UTRN: variants seen among roughly 807,000 people sequenced by gnomAD.
The protein encoded by UTRN is dystrophin-related protein 1.
A neutral mutation model predicts 463.9 loss-of-function variants in UTRN; 283 were observed. That is an observed-to-expected ratio of 0.61 (90% confidence interval 0.55 to 0.67). UTRN has a LOEUF of 0.67. UTRN is among the 30% of genes least tolerant of loss of function. The pLI, the probability that UTRN is intolerant of heterozygous loss-of-function variation, is 0.00. For synonymous variants in UTRN, 1,442 were observed against 1,431.5 expected, an observed-to-expected ratio of 1.01 and a Z score of -0.17; for missense variants, 3,922 against 4,084.3, an observed-to-expected ratio of 0.96 and a Z score of 1.08.
chr6:144,720,253 C>A (rs1300743348), intron 53 of UTRN, among the ~76,000 whole-genome samples: 1 of 152,242 alleles, frequency 6.6e-6, no homozygotes, highest in East Asian at 1.9e-4. Flanking sequence ...CCAATCACTT[C>A]TTTATACCGT....
At chr6:144,808,744 T>A (rs1229229953) in intron 65 of UTRN, among the ~76,000 whole-genome samples, 1 of 152,024 alleles carries the variant, frequency 6.6e-6, no homozygotes, top group Non-Finnish European at 1.5e-5. Flanking sequence ...TTTTTAAAGG[T>A]CCCACATATA....
At chr6:144,316,347 A>G (rs550936983) in intron 2 of UTRN, among the ~76,000 whole-genome samples, 1 of 152,316 alleles carries the variant, frequency 6.6e-6, no homozygotes, top group South Asian at 2.1e-4. Flanking sequence ...TTGAGTTGAA[A>G]ATGCTGTCAT....
intron 52 of UTRN, among the ~76,000 whole-genome samples, chr6:144,680,928 C>T (rs1164422847): frequency 6.6e-6 from 1 of 152,194 alleles, no homozygotes; most frequent in African/African-American, 2.4e-5. Flanking sequence ...GTGTAAGAGA[C>T]AAGTCATGCA....
At chr6:144,518,473 A>G (rs1254683659) in intron 39 of UTRN, among the ~76,000 whole-genome samples, 1 of 152,188 alleles carries the variant, frequency 6.6e-6, no homozygotes, top group African/African-American at 2.4e-5. Context: ...GTGCCTTAGC[A>G]CATCTGGGAA....
At chr6:144,293,070 A>T (rs1804389204) in intron 2 of UTRN, among the ~76,000 whole-genome samples, 1 of 152,146 alleles carries the variant, frequency 6.6e-6, no homozygotes, top group Non-Finnish European at 1.5e-5. Flanking sequence ...TGCTTTGAGG[A>T]TGTTCTCTTC....
At chr6:144,750,192 C>T (rs1791228215) in intron 55 of UTRN, among the ~76,000 whole-genome samples, 1 of 136,092 alleles carries the variant, frequency 7.3e-6, no homozygotes, top group Admixed American at 7.6e-5. Flanking sequence ...CTTCCCTGTG[C>T]TTCTATATTA....
chr6:144,709,979 A>T (rs1443710784), intron 53 of UTRN, among the ~76,000 whole-genome samples: 1 of 152,188 alleles, frequency 6.6e-6, no homozygotes, highest in African/African-American at 2.4e-5. Context: ...TATCCACACT[A>T]TTCACCAAAT....
intron 32 of UTRN, 86 bp from the exon 33 acceptor site, chr6:144,493,215 C>A: frequency 7.5e-7 from 1 of 1,331,754 alleles, no homozygotes; most frequent in Non-Finnish European, 1.0e-6. Context: ...GGCTGTCAAT[C>A]TGTGTAAGCT....
intron 3 of UTRN, among the ~76,000 whole-genome samples, chr6:144,416,665 C>A (rs951337169): frequency 6.6e-6 from 1 of 152,188 alleles, no homozygotes; most frequent in Non-Finnish European, 1.5e-5. Flanking sequence ...CCAAAGCTGG[C>A]CACGCCAGGG....
chr6:144,371,825 G>C (rs1562308000), intron 2 of UTRN, among the ~76,000 whole-genome samples: 2 of 152,212 alleles, frequency 1.3e-5, no homozygotes, highest in Non-Finnish European at 2.9e-5. Flanking sequence ...ATCTCAGAGA[G>C]TGGGTGCGTA....
Position 144,440,373 on chromosome 6 carries a change from G to A in UTRN, c.1414G>A (p.Ala472Thr). The A allele has an allele frequency of 6.2e-7, 1 of 1,614,102 alleles. No individual in the cohort carries two copies. The highest frequency in any genetic ancestry group is 8.5e-7 in the Non-Finnish European group (1 of 1,180,014). Residue 472 changes from alanine to threonine, a missense_variant, in exon 13 of 75, where the codon GCT (alanine) becomes ACT (threonine). Ala to Thr is a moderately conservative substitution (Grantham distance 58). Transcript: ENST00000367545. The stretch of plus-strand genomic sequence containing the variant: ...CTAGAGTTTGCAAAGTGATCTTGAG[G>A]CTGAACAGGTGAAAGTAAATTCACT... ...EHKSLQSDLE[A>T]EQVKVNSLTH... is the part of the protein sequence containing the mutation.
chr6:144,498,029 A>G (rs1266489435), intron 33 of UTRN, among the ~76,000 whole-genome samples: 5 of 152,258 alleles, frequency 3.3e-5, no homozygotes, highest in Non-Finnish European at 7.3e-5. Flanking sequence ...ACAGTTGAGT[A>G]CTAGGTCTGG....
rs748973665 is a variant in UTRN at position 144,827,385 on chromosome 6, G to C, written c.9532G>C (p.Asp3178His). 3.1e-6 allele frequency: 5 copies of C among 1,613,452 alleles called. No homozygotes were observed. The South Asian group carries it at 5.5e-5, about 18-fold the overall frequency. ...CATCAGTATGTGGCCAGAGCACTAT[G>C]AGTGAGTATTCATAGCCCACGTGCA... ...TLISMWPEHY[D>H]PSQSPQLFHD... The change falls in exon 67 of 75, where the codon GAC becomes CAC. Residue 3178 changes from aspartate to histidine, a missense_variant and splice_region_variant. Physicochemically the swap from Asp to His is moderately conservative, Grantham distance 81. Around this residue, in one of 3 missense-constraint regions of UTRN, gnomAD observed 1,309 missense variants for 1,452.6 expected, o/e 0.90. Transcript: ENST00000367545.
At chr6:144,482,162 G>A (rs1791952178) in intron 26 of UTRN, 47 bp from the exon 27 acceptor site, 1 of 1,361,540 alleles carries the variant, frequency 7.3e-7, no homozygotes, top group Non-Finnish European at 9.6e-7. Flanking sequence ...ATTGGTTACT[G>A]AGAAAGGGAG....
intron 7 of UTRN, among the ~76,000 whole-genome samples, chr6:144,427,643 T>G (rs1336855839): frequency 6.6e-6 from 1 of 152,198 alleles, no homozygotes; most frequent in Non-Finnish European, 1.5e-5. Context: ...AGAATGATAG[T>G]TTTTGTAGCT....
intron 2 of UTRN, among the ~76,000 whole-genome samples, chr6:144,343,463 G>A (rs1777309699): frequency 6.6e-6 from 1 of 151,622 alleles, no homozygotes. Context: ...GGGAGGCTGA[G>A]GCACAAGAAT....
chr6:144,516,344 A>C lies in UTRN; in HGVS notation c.5360A>C (p.Lys1787Thr), dbSNP rs750415441. Residue 1787 changes from lysine to threonine, a missense_variant, in exon 38 of 75, where the codon AAA becomes ACA. Lys to Thr is a moderately conservative substitution (Grantham distance 78). Around this residue, in one of 3 missense-constraint regions of UTRN, gnomAD observed 2,349 missense variants for 2,303.8 expected, o/e 1.02. Coordinates refer to ENST00000367545, the MANE Select transcript of UTRN (RefSeq NM_007124.3). ...GAAAATGACATAGAAAATATGTTAA[A>C]ATTTGTGGAAAAACACTTGGAATCC... Reference protein sequence around the residue: ...KLENDIENMLKFVEKHLESSD... With the variant: ...KLENDIENMLTFVEKHLESSD... The C allele has an allele frequency of 1.2e-6, 2 of 1,613,768 alleles. No homozygotes were observed. The highest frequency in any genetic ancestry group is 4.5e-5 in the East Asian group (2 of 44,822).
intron 51 of UTRN, among the ~76,000 whole-genome samples, chr6:144,635,530 C>CTTTTTTTTTTTTTT (rs1562685915): frequency 5.8e-4 from 34 of 59,076 alleles, no homozygotes; most frequent in Non-Finnish European, 9.3e-4. Context: ...TTTTTTTTTT[C>CTTTTTTTTTTTTTT]TTTTCTTTTT....
chr6:144,829,634 A>G (rs1431613184), intron 69 of UTRN, among the ~76,000 whole-genome samples: 1 of 151,528 alleles, frequency 6.6e-6, no homozygotes, highest in African/African-American at 2.4e-5. Context: ...ACAAAGCTCT[A>G]TTGTGGTTTG....
Sources: allele counts gnomAD v4.1 joint callset (sites outside exome capture counted in the v4.1 genomes callset), GRCh38; gene constraint gnomAD v4.1.1; regional missense constraint gnomAD v4.1.1; transcripts MANE v1.5; gene names NCBI Gene and HGNC (gene_info 2026-07-23, HGNC 2026-07-21).